The following PID1 variants were observed in gnomAD, a reference collection of about 807,000 sequenced individuals.
PID1 encodes phosphotyrosine interaction domain containing 1.
A neutral mutation model predicts 19.1 loss-of-function variants in PID1; 10 were observed. The ratio of observed to expected loss-of-function variants is 0.52; its 90% CI spans 0.32 to 0.89. The LOEUF (loss-of-function observed/expected upper bound fraction) is 0.89, where lower values mean the gene tolerates loss of function less well. Among genes scored for constraint, PID1 ranks in the 40% least tolerant of loss-of-function variants. The pLI, the probability that PID1 is intolerant of heterozygous loss-of-function variation, is 0.03. For synonymous variants in PID1, 130 were observed against 116.0 expected, an observed-to-expected ratio of 1.12 and a Z score of -0.78; for missense variants, 248 against 285.3, an observed-to-expected ratio of 0.87 and a Z score of 0.94.
At position 229,102,316 on chromosome 2, in the gene PID1, T is replaced by TA. The variant is rs548175639; in HGVS notation, c.177+53501dup. Among the ~76,000 whole-genome samples the TA allele has an allele frequency of 5.6e-3, 810 of 143,398 alleles. 6 individuals carry two copies. Among genetic ancestry groups the TA allele is most frequent in the African/African-American group, 0.014 (547 of 39,214 alleles). 94.1% of individuals were successfully genotyped at this position (143,398 alleles called of 152,430 possible). ...AATACATTTAAAGACTCATCACAAA[T>TA]AAAAAAAAAAAGTAAACAAATTTGC... On this transcript the variant is annotated intron_variant, in intron 2 of 2. Coordinates refer to ENST00000392055, the MANE Select transcript of PID1 (RefSeq NM_001100818.2).
intron 2 of PID1, among the ~76,000 whole-genome samples, chr2:229,062,536 A>G (rs73099470): frequency 0.07 from 10,595 of 151,790 alleles, 1,241 homozygotes; most frequent in African/African-American, 0.24. Flanking sequence ...TTTTCATTAG[A>G]GATACTGATC....
At chr2:229,116,180 T>C (rs1382029387) in intron 2 of PID1, among the ~76,000 whole-genome samples, 2 of 152,046 alleles carry the variant, frequency 1.3e-5, no homozygotes, top group Non-Finnish European at 2.9e-5. Context: ...TGAGCCGAGA[T>C]TGCACCACTG....
chr2:229,042,488 C>T (rs1022548245), intron 2 of PID1, among the ~76,000 whole-genome samples: 9 of 152,150 alleles, frequency 5.9e-5, no homozygotes, highest in Admixed American at 1.3e-4. Context: ...AAAATCCACC[C>T]TCTCATGCTG....
intron 2 of PID1, among the ~76,000 whole-genome samples, chr2:229,092,090 A>G (rs1574621754): frequency 8.9e-6 from 1 of 112,196 alleles, no homozygotes; most frequent in Middle Eastern, 4.6e-3. Flanking sequence ...GTTGATATGA[A>G]TGCCTACTGC....
Position 229,056,607 on chromosome 2 carries a change from A to G in PID1, c.178-30499T>C, listed in dbSNP as rs183201026. ...CTACAGCCCAGAATATAAATAAATA[A>G]AAATAATATATATATATATATTTCT... On this transcript the variant is annotated intron_variant, in intron 2 of 2. Transcript: ENST00000392055. 2.8e-4 allele frequency among the ~76,000 whole-genome samples: 39 copies of G among 140,932 alleles called. No individual in the cohort carries two copies. The East Asian group carries it at 7.8e-3, about 28-fold the overall frequency. The allele number at this position is 140,932 out of a possible 152,430, so 92.5% of individuals were successfully genotyped here. A position where few individuals can be genotyped will look rare whatever the true frequency, so the allele number is the denominator to read the frequency against.
chr2:229,194,335 A>G (rs1691326177), intron 1 of PID1, among the ~76,000 whole-genome samples: 1 of 152,086 alleles, frequency 6.6e-6, no homozygotes, highest in Admixed American at 6.6e-5. Flanking sequence ...AGAAACCAAC[A>G]CAGAGCCTTT....
chr2:229,228,785 GT>G (rs1692139061), intron 1 of PID1, among the ~76,000 whole-genome samples: 1 of 152,128 alleles, frequency 6.6e-6, no homozygotes, highest in African/African-American at 2.4e-5. Context: ...GATATTAGAG[GT>G]TAATGAAAAT....
chr2:229,046,576 TA>T (rs397937932), intron 2 of PID1, among the ~76,000 whole-genome samples: 651 of 147,128 alleles, frequency 4.4e-3, no homozygotes, highest in Non-Finnish European at 7.6e-3. Context: ...TCAGAAAAAG[TA>T]AAAAAAAAAT....
chr2:229,174,502 A>G (rs1377077582), intron 1 of PID1, among the ~76,000 whole-genome samples: 1 of 152,142 alleles, frequency 6.6e-6, no homozygotes, highest in East Asian at 1.9e-4. Flanking sequence ...GGAAGAGAGG[A>G]CTACAGATCT....
intron 2 of PID1, among the ~76,000 whole-genome samples, chr2:229,119,064 T>A (rs142369648): frequency 1.5e-3 from 225 of 152,318 alleles, no homozygotes; most frequent in African/African-American, 5.2e-3. Flanking sequence ...AGAGAGAATA[T>A]CATTTTCAGG....
At chr2:229,261,148 A>G (rs1316964544) in intron 1 of PID1, among the ~76,000 whole-genome samples, 2 of 152,182 alleles carry the variant, frequency 1.3e-5, no homozygotes, top group African/African-American at 4.8e-5. Context: ...AACTACCAGC[A>G]GCTAGGAGAA....
At chr2:229,262,348 CAT>C (rs1690481215) in intron 1 of PID1, among the ~76,000 whole-genome samples, 1 of 152,148 alleles carries the variant, frequency 6.6e-6, no homozygotes, top group East Asian at 1.9e-4. Context: ...CAACACAGCA[CAT>C]GTTACACTCA....
chr2:229,106,563 G>A (rs1695183130), intron 2 of PID1, among the ~76,000 whole-genome samples: 1 of 152,160 alleles, frequency 6.6e-6, no homozygotes, highest in African/African-American at 2.4e-5. Flanking sequence ...TGGGATTAGT[G>A]CCCTCACAAA....
At chr2:229,060,810 A>G (rs36058493) in intron 2 of PID1, among the ~76,000 whole-genome samples, 11,866 of 151,974 alleles carry the variant, frequency 0.078, 531 homozygotes, top group Middle Eastern at 0.13. Context: ...AAAAATAGCC[A>G]TTTTACCAGG....
intron 2 of PID1, among the ~76,000 whole-genome samples, chr2:229,138,866 G>GA (rs67108790): frequency 0.39 from 57,737 of 146,872 alleles, 11,511 homozygotes; most frequent in South Asian, 0.57. Flanking sequence ...GTAGAAGGAG[G>GA]AAAAAAAAAT....
chr2:229,085,925 T>C (rs1250277193), intron 2 of PID1, among the ~76,000 whole-genome samples: 2 of 152,070 alleles, frequency 1.3e-5, no homozygotes, highest in Admixed American at 6.6e-5. Context: ...CTGTCTATTA[T>C]TATAAAAAAT....
chr2:229,179,624 G>A (rs1690896350), intron 1 of PID1, among the ~76,000 whole-genome samples: 1 of 152,092 alleles, frequency 6.6e-6, no homozygotes, highest in Non-Finnish European at 1.5e-5. Flanking sequence ...AATTGCATAT[G>A]CCCTTTAATG....
At chr2:229,031,086 G>T (rs896468281) in intron 2 of PID1, among the ~76,000 whole-genome samples, 1 of 151,262 alleles carries the variant, frequency 6.6e-6, no homozygotes, top group Non-Finnish European at 1.5e-5. Flanking sequence ...TGTGGTGGCA[G>T]ACACCTGTAG....
rs1559251597 is a variant in PID1 at position 229,139,069 on chromosome 2, A to AAG, written c.177+16747_177+16748dup. The stretch of plus-strand genomic sequence containing the variant: ...AGAAAGAAAGAAAGAGAAAGAAAGA[A>AAG]AGAAAGAAAGAAAGAAAGAAAGAAA... On this transcript the variant is annotated intron_variant, in intron 2 of 2. Transcript: ENST00000392055. Among the ~76,000 whole-genome samples, 35 of 63,202 alleles carry AAG rather than the reference A, an allele frequency of 5.5e-4. 1 individual carries two copies. The highest frequency in any genetic ancestry group is 3.8e-3 in the East Asian group (8 of 2,122). 41.5% of individuals were successfully genotyped at this position (63,202 alleles called of 152,430 possible). A position where few individuals can be genotyped will look rare whatever the true frequency, so the allele number is the denominator to read the frequency against.
Sources: allele counts gnomAD v4.1 joint callset (sites outside exome capture counted in the v4.1 genomes callset), GRCh38; gene constraint gnomAD v4.1.1; transcripts MANE v1.5; gene names NCBI Gene and HGNC (gene_info 2026-07-23, HGNC 2026-07-21).